MFSD8: variants seen among roughly 807,000 people sequenced by gnomAD.
The protein encoded by MFSD8 is major facilitator superfamily domain-containing protein 8.
A neutral mutation model predicts 66.4 loss-of-function variants in MFSD8; 55 were observed. The observed-to-expected ratio is 0.83, with a 90% CI of 0.67 to 1.04. The LOEUF is 1.04. Among genes scored for constraint, MFSD8 ranks in the 50% least tolerant of loss-of-function variants. The pLI, the probability that MFSD8 is intolerant of heterozygous loss-of-function variation, is 0.00. For synonymous variants in MFSD8, 202 were observed against 212.8 expected (o/e 0.95, Z 0.44); for missense variants, 550 against 627.6 (o/e 0.88, Z 1.32).
intron 2 of MFSD8, among the ~76,000 whole-genome samples, 157 bp downstream of exon 2, chr4:127,957,344 G>A (rs1267141623): frequency 6.6e-6 from 1 of 152,082 alleles, no homozygotes; most frequent in Non-Finnish European, 1.5e-5. Context: ...TATACTTAAG[G>A]CTATTGAACT....
rs1560715200 is a variant in MFSD8 at position 127,920,592 on chromosome 4, CCA to C, written c.*36_*37del. 1 of 1,603,656 alleles carries C rather than the reference CCA, an allele frequency of 6.2e-7. No individual in the cohort carries two copies. Among genetic ancestry groups the C allele is most frequent in the Non-Finnish European group, 8.5e-7 (1 of 1,171,506 alleles). ...TAGCAGAGCTTTAGACCAGGAAGTG[CCA>C]CACAGCAAGTAGTTTCCATCACAGT... On this transcript the variant is annotated 3_prime_UTR_variant, in exon 12 of 12. Coordinates refer to ENST00000641686, the MANE Select transcript of MFSD8 (RefSeq NM_001371596.2).
At chr4:127,944,092 AAAC>A in intron 3 of MFSD8, 100 bp from the exon 4 acceptor site, 1 of 1,509,030 alleles carries the variant, frequency 6.6e-7, no homozygotes, top group Non-Finnish European at 9.1e-7. Context: ...CAAAAAATAA[AAAC>A]AATTCTAACG....
rs2148836936 is a variant in MFSD8, at chr4:127,920,699, G to T, written c.1488C>A (p.Ile496=). ...SLVCGIIVLT[I]TLLGVVYKRL... The stretch of plus-strand genomic sequence containing the variant: ...TTTTGTAAACCACTCCCAGGAGGGT[G>T]ATGGTGAGCACTATTATTCCACACA... The change falls in exon 12 of 12, where the codon ATC becomes ATA. Residue 496 remains isoleucine, a synonymous_variant. Transcript: ENST00000641686. The T allele has an allele frequency of 6.2e-7, 1 of 1,614,046 alleles. No individual in the cohort carries two copies. Among genetic ancestry groups the T allele is most frequent in the Non-Finnish European group, 8.5e-7 (1 of 1,180,008 alleles).
In MFSD8 at chr4:127,919,342, T is replaced by C. The variant is rs1156434417; in HGVS notation, c.*1288A>G. 3 of 152,200 alleles carry C rather than the reference T, an allele frequency of 2.0e-5. No homozygotes were observed. Among genetic ancestry groups the C allele is most frequent in the Admixed American group, 6.5e-5 (1 of 15,272 alleles). The allele number at this position is 152,200 out of a possible 1,614,324, so 9.4% of individuals were successfully genotyped here. A position where few individuals can be genotyped will look rare whatever the true frequency, so the allele number is the denominator to read the frequency against. ...GGCATGAGACACTGCACCCAACCTA[T>C]AAAGTGCAGATTATATAGTGTTTAT... is the stretch of plus-strand genomic sequence containing the variant. On this transcript the variant is annotated 3_prime_UTR_variant, in exon 12 of 12. Transcript: ENST00000641686.
At chr4:127,923,143 G>C (rs1189882192) in intron 9 of MFSD8, among the ~76,000 whole-genome samples, 1 of 152,094 alleles carries the variant, frequency 6.6e-6, no homozygotes, top group East Asian at 1.9e-4. Context: ...TGATTGCCCT[G>C]GCCAGAACTT....
chr4:127,943,985 G>A lies in MFSD8; in HGVS notation c.206C>T (p.Pro69Leu), dbSNP rs147750747. ...SIWPYLQKID[P>L]TADTSFLGWV... ...GCCCAAAAAACTTGTATCAGCTGTC[G>A]GATCAATCTGCAGAAAAAGGTACAG... Residue 69 changes from proline to leucine, a missense_variant, in exon 4 of 12, where the codon CCG becomes CTG. Coordinates refer to ENST00000641686, the MANE Select transcript of MFSD8 (RefSeq NM_001371596.2). The A allele has an allele frequency of 1.5e-4, 245 of 1,614,108 alleles. 1 individual carries two copies. The East Asian group carries it at 3.7e-3, about 24-fold the overall frequency.
chr4:127,946,685 G>A (rs1741081127), intron 3 of MFSD8, among the ~76,000 whole-genome samples: 1 of 152,084 alleles, frequency 6.6e-6, no homozygotes, highest in Non-Finnish European at 1.5e-5. Context: ...AGAGGCTGAG[G>A]TGGTGGGTCA....
chr4:127,946,200 C>T (rs1235567270), intron 3 of MFSD8, among the ~76,000 whole-genome samples: 1 of 152,140 alleles, frequency 6.6e-6, no homozygotes, highest in African/African-American at 2.4e-5. Context: ...GCTGGGATTA[C>T]AGGCACGTGA....
At chr4:127,964,044 C>G (rs1001638206) in intron 1 of MFSD8, among the ~76,000 whole-genome samples, 4 of 152,134 alleles carry the variant, frequency 2.6e-5, no homozygotes, top group Non-Finnish European at 5.9e-5. Flanking sequence ...GAGCTAGACA[C>G]AGGGTGCTGA....
In MFSD8 at chr4:127,921,682, G is replaced by A. The variant is rs747170947; in HGVS notation, c.1192C>T (p.Pro398Ser). Residue 398 changes from proline to serine, a missense_variant, in exon 11 of 12, where the codon CCA becomes TCA. Pro to Ser is a moderately conservative substitution (Grantham distance 74). Transcript: ENST00000641686. ...GCTTGTTCAATCGAGCAACCAGTTG[G>A]TCTTTCATTGTCATCTTCCATTGGA... ...KSPMEDDNER[P>S]TGCSIEQAWC... is the part of the protein sequence containing the mutation. 6.2e-7 allele frequency: 1 copy of A among 1,614,174 alleles called. No homozygotes were observed. The highest frequency in any genetic ancestry group is 2.2e-5 in the East Asian group (1 of 44,878).
At chr4:127,950,549 G>A (rs1244548605) in intron 2 of MFSD8, among the ~76,000 whole-genome samples, 1 of 151,812 alleles carries the variant, frequency 6.6e-6, no homozygotes, top group African/African-American at 2.4e-5. Flanking sequence ...AATTAGCCGG[G>A]CATGGTGGCA....
chr4:127,957,693 A>C, intron 1 of MFSD8, 101 bp from the exon 2 acceptor site: 2 of 805,430 alleles, frequency 2.5e-6, no homozygotes, highest in Non-Finnish European at 4.2e-6. Flanking sequence ...GATGTGATAG[A>C]GGTAGAATTT....
chr4:127,921,451 G>C (rs748788108), intron 11 of MFSD8, 73 bp downstream of exon 11: 19 of 1,609,744 alleles, frequency 1.2e-5, no homozygotes, highest in Non-Finnish European at 1.6e-5. Flanking sequence ...TAAAAATAGA[G>C]AATGGCAGCA....
At chr4:127,928,267 T>C (rs116093534) in intron 9 of MFSD8, among the ~76,000 whole-genome samples, 4,084 of 152,152 alleles carry the variant, frequency 0.027, 160 homozygotes, top group African/African-American at 0.093. Flanking sequence ...CACCACGCCC[T>C]GTATTTTTAG....
chr4:127,964,957 C>T, intron 1 of MFSD8, 115 bp downstream of exon 1: 1 of 1,305,638 alleles, frequency 7.7e-7, no homozygotes, highest in Non-Finnish European at 1.1e-6. Flanking sequence ...CCGGCTCCCA[C>T]CGCGCTGGAA....
At chr4:127,932,626 C>T (rs926709918) in intron 8 of MFSD8, 5 of 155,910 alleles carry the variant, frequency 3.2e-5, no homozygotes, top group African/African-American at 1.2e-4. Flanking sequence ...GTTAAAATTA[C>T]CAGATTGAAT....
intron 5 of MFSD8, among the ~76,000 whole-genome samples, chr4:127,941,073 C>G (rs1740108368): frequency 6.6e-6 from 1 of 152,098 alleles, no homozygotes; most frequent in South Asian, 2.1e-4. Context: ...AGGTATTATG[C>G]TAGATACTGA....
chr4:127,931,937 T>G (rs186890387), intron 8 of MFSD8, among the ~76,000 whole-genome samples: 1 of 152,232 alleles, frequency 6.6e-6, no homozygotes, highest in East Asian at 1.9e-4. Flanking sequence ...GGGGAAATCC[T>G]GTCTCTACAA....
chr4:127,950,703 T>A (rs1016806432), intron 2 of MFSD8, among the ~76,000 whole-genome samples: 2 of 148,632 alleles, frequency 1.3e-5, no homozygotes, highest in African/African-American at 5.0e-5. Flanking sequence ...AAAAAAAAAT[T>A]AAAAATGAAT....
Sources: gnomAD v4.1 joint callset for allele counts (sites outside exome capture counted in the v4.1 genomes callset) on GRCh38, gnomAD v4.1.1 for gene constraint, MANE v1.5 for transcripts, NCBI Gene and HGNC (gene_info 2026-07-23, HGNC 2026-07-21) for gene names.